SMC5: variants seen among roughly 807,000 people sequenced by gnomAD.
The protein encoded by SMC5 is structural maintenance of chromosomes protein 5.
In SMC5, 88 loss-of-function variants were observed where a neutral mutation model predicts 148.3. That is an observed-to-expected ratio of 0.59 (90% confidence interval 0.50 to 0.71). The LOEUF (loss-of-function observed/expected upper bound fraction) is 0.71. Ranked by LOEUF, SMC5 falls within the 30% of genes least tolerant of loss-of-function variation. SMC5 has a pLI of 0.00. For missense variants in SMC5, 1,142 were observed against 1,298.9 expected, an observed-to-expected ratio of 0.88 and a Z score of 1.86; for synonymous variants, 421 against 432.8, an observed-to-expected ratio of 0.97 and a Z score of 0.34.
chr9:70,285,532 C>T (rs945958204), intron 7 of SMC5, among the ~76,000 whole-genome samples: 2 of 152,198 alleles, frequency 1.3e-5, no homozygotes, highest in African/African-American at 4.8e-5. Flanking sequence ...CAAACACGCA[C>T]AGTGAGCCAC....
Position 70,298,041 on chromosome 9 carries a change from C to T in SMC5, c.1129C>T (p.Arg377Cys), listed in dbSNP as rs1380078737. Residue 377 changes from arginine (R) to cysteine (C), a missense_variant, in exon 9 of 25, where the codon CGC becomes TGC. Transcript: ENST00000361138. ...CCGACAGAGGAGAATAGGTAATACC[C>T]GCAAAATGATAGAGGATTTGCAAAA... ...LDRQRRIGNT[R>C]KMIEDLQNEL... is the part of the protein sequence containing the mutation. 3.1e-6 allele frequency: 5 copies of T among 1,613,742 alleles called. No homozygotes were observed. The highest frequency in any genetic ancestry group is 3.3e-5 in the Admixed American group (2 of 59,978).
intron 9 of SMC5, among the ~76,000 whole-genome samples, chr9:70,298,791 A>G (rs992694186): frequency 1.2e-4 from 18 of 151,448 alleles, no homozygotes; most frequent in African/African-American, 3.9e-4. Flanking sequence ...CTCCTTTTTT[A>G]CCTCCAAAGC....
intron 5 of SMC5, among the ~76,000 whole-genome samples, chr9:70,279,427 G>C (rs2034685050): frequency 1.3e-5 from 2 of 152,148 alleles, no homozygotes; most frequent in African/African-American, 4.8e-5. Flanking sequence ...GCTAAGGTGG[G>C]AGGATTGCTT....
chr9:70,290,839 A>G lies in SMC5; in HGVS notation c.1053+4568A>G, dbSNP rs151091539. ...ACTGAGTTTCAATGTGAAAGTAAGC[A>G]CCGCCAGCAAGTATTCTCAGGGCAA... On this transcript the variant is annotated intron_variant, in intron 8 of 24. Coordinates refer to ENST00000361138, the MANE Select transcript of SMC5 (RefSeq NM_015110.4). Among the ~76,000 whole-genome samples the G allele has an allele frequency of 2.2e-3, 334 of 152,320 alleles. 2 individuals are homozygous for G. Among genetic ancestry groups the G allele is most frequent in the African/African-American group, 7.7e-3 (322 of 41,564 alleles).
At position 70,277,510 on chromosome 9, in the gene SMC5, T is replaced by C. The variant is rs199803332; in HGVS notation, c.543+38T>C. The C allele has an allele frequency of 2.3e-4, 346 of 1,516,430 alleles. 2 individuals are homozygous for C. The African/African-American group carries it at 4.5e-3, about 20-fold the overall frequency. 93.9% of individuals were successfully genotyped at this position (1,516,430 alleles called of 1,614,324 possible). A position where few individuals can be genotyped will look rare whatever the true frequency, so the allele number is the denominator to read the frequency against. ...TAAATGTAAAGATGGGAAAATTTTG[T>C]ATATAGTGTTTCCTTTTTATGCCGT... On this transcript the variant is annotated intron_variant, in intron 4 of 24. Coordinates refer to ENST00000361138, the MANE Select transcript of SMC5 (RefSeq NM_015110.4).
At chr9:70,328,653 G>A (rs2036146869) in intron 17 of SMC5, among the ~76,000 whole-genome samples, 1 of 152,176 alleles carries the variant, frequency 6.6e-6, no homozygotes, top group Admixed American at 6.5e-5. Context: ...TTGGCACACG[G>A]TGCAAGCTGT....
intron 6 of SMC5, among the ~76,000 whole-genome samples, chr9:70,281,726 G>T (rs557687812): frequency 6.6e-6 from 1 of 152,060 alleles, no homozygotes; most frequent in Non-Finnish European, 1.5e-5. Flanking sequence ...ATCATTTCAT[G>T]ATTCTTAAAT....
chr9:70,275,681 T>A (rs2034572097), intron 3 of SMC5, among the ~76,000 whole-genome samples: 1 of 152,190 alleles, frequency 6.6e-6, no homozygotes, highest in Non-Finnish European at 1.5e-5. Context: ...CATTCTCTTT[T>A]TCTGAAGATG....
chr9:70,290,561 A>G (rs1024544647), intron 8 of SMC5, among the ~76,000 whole-genome samples: 2 of 152,192 alleles, frequency 1.3e-5, no homozygotes, highest in Non-Finnish European at 2.9e-5. Context: ...TATATTTTAC[A>G]TTTATCTATT....
chr9:70,326,372 C>T (rs980274756), intron 17 of SMC5, among the ~76,000 whole-genome samples: 1 of 151,834 alleles, frequency 6.6e-6, no homozygotes, highest in Non-Finnish European at 1.5e-5. Context: ...CTCATGAAAA[C>T]TTACGTAAAT....
chr9:70,281,832 A>G (rs1227451527), intron 6 of SMC5, among the ~76,000 whole-genome samples: 2 of 151,206 alleles, frequency 1.3e-5, no homozygotes, highest in Non-Finnish European at 2.9e-5. Context: ...TTTTTCTAAG[A>G]TTGATTTACC....
Position 70,347,683 on chromosome 9 carries a change from T to C in SMC5, c.2735T>C (p.Val912Ala). The change falls in exon 21 of 25, where the codon GTT becomes GCT. Residue 912 changes from valine to alanine, a missense_variant. By Grantham distance (64) the Val-to-Ala change is moderately conservative. This residue lies in a region of SMC5 where 743 missense variants were observed against 835.7 expected (regional missense o/e 0.89). Transcript: ENST00000361138. ...ACTGAGGAACTAAAGGGAAAGAAAG[T>C]TGAACTAGATCAATACAGGGAAAAC... ...QLTEELKGKKVELDQYRENIS... is the reference protein window; with the variant it reads ...QLTEELKGKKAELDQYRENIS... The C allele has an allele frequency of 2.5e-6, 4 of 1,585,458 alleles. No individual in the cohort carries two copies. Among genetic ancestry groups the C allele is most frequent in the Non-Finnish European group, 3.4e-6 (4 of 1,168,882 alleles).
intron 6 of SMC5, among the ~76,000 whole-genome samples, chr9:70,281,518 T>G (rs1362768628): frequency 1.3e-5 from 2 of 152,242 alleles, no homozygotes; most frequent in East Asian, 3.8e-4. Flanking sequence ...GTCAGGTCAC[T>G]GAGAATTTAT....
chr9:70,283,694 T>C (rs989156642), intron 7 of SMC5, among the ~76,000 whole-genome samples: 2 of 152,116 alleles, frequency 1.3e-5, no homozygotes, highest in African/African-American at 4.8e-5. Flanking sequence ...TGGTAAAGGG[T>C]GGATCTTAGC....
chr9:70,284,977 C>T (rs2034856831), intron 7 of SMC5, among the ~76,000 whole-genome samples: 1 of 152,028 alleles, frequency 6.6e-6, no homozygotes. Flanking sequence ...TTTAAATCCT[C>T]ACTCAGCTGT....
At chr9:70,335,920 C>A (rs866542719) in intron 17 of SMC5, among the ~76,000 whole-genome samples, 19 of 152,118 alleles carry the variant, frequency 1.2e-4, no homozygotes, top group Middle Eastern at 3.2e-3. Context: ...TAAACATATA[C>A]AAGAATATGA....
intron 1 of SMC5, among the ~76,000 whole-genome samples, chr9:70,262,444 G>C (rs1050177330): frequency 1.3e-5 from 2 of 152,172 alleles, no homozygotes; most frequent in African/African-American, 4.8e-5. Context: ...TTGGATGATG[G>C]AGTGGTGGTT....
rs186650548 is a variant in SMC5 at position 70,348,047 on chromosome 9, G to A, written c.2889+9G>A. 57 of 1,550,656 alleles carry A rather than the reference G, an allele frequency of 3.7e-5. No individual in the cohort carries two copies. Among genetic ancestry groups the A allele is most frequent in the Non-Finnish European group, 4.6e-5 (53 of 1,155,640 alleles). On this transcript the variant is annotated intron_variant, in intron 22 of 24. Coordinates refer to ENST00000361138, the MANE Select transcript of SMC5 (RefSeq NM_015110.4). Reference sequence around the variant, plus strand: ...TCCATACAGAAAATGAGGTAAAATTGCATTTGAAATAAATAATATTTCTGG... The same window carrying A: ...TCCATACAGAAAATGAGGTAAAATTACATTTGAAATAAATAATATTTCTGG...
intron 8 of SMC5, among the ~76,000 whole-genome samples, chr9:70,297,094 C>G (rs1279459383): frequency 2.0e-5 from 3 of 152,180 alleles, no homozygotes; most frequent in African/African-American, 7.2e-5. Context: ...CAGAGTTTTT[C>G]AGATTTTTGG....
Sources: allele counts gnomAD v4.1 joint callset (sites outside exome capture counted in the v4.1 genomes callset), GRCh38; gene constraint gnomAD v4.1.1; regional missense constraint gnomAD v4.1.1; transcripts MANE v1.5; gene names NCBI Gene and HGNC (gene_info 2026-07-23, HGNC 2026-07-21).